Variants in VAC14 observed in about 807,000 individuals in gnomAD.
VAC14 encodes the protein protein VAC14 homolog.
Under a neutral mutation model 85.3 loss-of-function variants are expected in VAC14, and 47 were observed. The observed-to-expected ratio is 0.55, with a 90% confidence interval of 0.44 to 0.70. The LOEUF is 0.70. VAC14 is among the 30% of genes least tolerant of loss of function. VAC14 has a pLI of 0.00. For missense variants in VAC14, 861 were observed against 1,004.3 expected (o/e 0.86, Z 1.93); for synonymous variants, 447 against 430.5 (o/e 1.04, Z -0.47).
chr16:70,698,382 C>G (rs2053755933), intron 15 of VAC14, among the ~76,000 whole-genome samples: 1 of 152,160 alleles, frequency 6.6e-6, no homozygotes, highest in African/African-American at 2.4e-5. Flanking sequence ...GGCAGGGCTG[C>G]TGGGGGGTCA....
At chr16:70,776,376 T>C (rs750255231) in intron 9 of VAC14, among the ~76,000 whole-genome samples, 2 of 151,920 alleles carry the variant, frequency 1.3e-5, no homozygotes, top group Non-Finnish European at 2.9e-5. Flanking sequence ...TCCCAAAGTA[T>C]TGGGATTACA....
chr16:70,734,147 A>T (rs2054678536), intron 13 of VAC14, among the ~76,000 whole-genome samples: 1 of 152,030 alleles, frequency 6.6e-6, no homozygotes, highest in African/African-American at 2.4e-5. Flanking sequence ...GTAATGCAAG[A>T]ACAGCCTAAT....
Position 70,731,616 on chromosome 16 carries a change from A to T in VAC14, c.1540T>A (p.Leu514Ile). The T allele has an allele frequency of 6.2e-7, 1 of 1,614,066 alleles. No individual in the cohort carries two copies. The highest frequency in any genetic ancestry group is 1.1e-5 in the South Asian group (1 of 91,084). The change falls in exon 14 of 19, where the codon TTA (leucine) becomes ATA (isoleucine). Residue 514 changes from leucine to isoleucine, a missense_variant. This residue lies in a region of VAC14 where 629 missense variants were observed against 703.1 expected (regional missense o/e 0.89). Transcript: ENST00000261776. ...GLLNTSGTKG[L>I]ECSPSTPTMN... ...GTGGGAGTTGAAGGAGAACATTCTA[A>T]GCCTTTGGTACCTGTAGAGAAAGGG...
chr16:70,751,282 G>A (rs2031365098), intron 12 of VAC14, among the ~76,000 whole-genome samples: 1 of 152,242 alleles, frequency 6.6e-6, no homozygotes. Context: ...TGGCCAGGAA[G>A]AAGCTGCAAG....
At chr16:70,789,533 T>G (rs905419800) in intron 1 of VAC14, among the ~76,000 whole-genome samples, 3 of 152,210 alleles carry the variant, frequency 2.0e-5, no homozygotes, top group Non-Finnish European at 2.9e-5. Flanking sequence ...GGTAGAATTC[T>G]CGCCTGCCAC....
At chr16:70,705,667 C>G (rs1250442253) in intron 14 of VAC14, among the ~76,000 whole-genome samples, 1 of 152,116 alleles carries the variant, frequency 6.6e-6, no homozygotes, top group Non-Finnish European at 1.5e-5. Context: ...CTGCTCCCGC[C>G]CGGCATGCCC....
chr16:70,728,599 G>C (rs2054498130), intron 14 of VAC14, among the ~76,000 whole-genome samples: 1 of 152,218 alleles, frequency 6.6e-6, no homozygotes, highest in African/African-American at 2.4e-5. Flanking sequence ...TGAGCGGGTG[G>C]GGAGGGCATG....
At position 70,762,496 on chromosome 16, in the gene VAC14, G is replaced by A. The variant is rs770751792; in HGVS notation, c.1371+44C>T. 8.8e-6 allele frequency: 14 copies of A among 1,587,668 alleles called. No individual in the cohort carries two copies. The highest frequency in any genetic ancestry group is 1.2e-5 in the Non-Finnish European group (14 of 1,157,160). Reference sequence around the variant, plus strand: ...TCTCAGTCACTAACAAGGGGAGGCAGGGCAGCCGATGTTCCATAAGTACGG... The same window carrying A: ...TCTCAGTCACTAACAAGGGGAGGCAAGGCAGCCGATGTTCCATAAGTACGG... On this transcript the variant is annotated intron_variant, in intron 12 of 18. Transcript: ENST00000261776. This position sits in a 1 kb window ranked among gnomAD's most constrained non-coding sequence, Gnocchi z 4.1.
rs760285426 is a variant in VAC14, at chr16:70,698,824, C to CA, written c.1662-14dup. The CA allele has an allele frequency of 3.7e-6, 6 of 1,613,030 alleles. No homozygotes were observed. ...GAGGCACAGCTGCCTGGAGAGCAGG[C>CA]AGACTGGGGTCAGGGCGCAGGCCGA... is the stretch of plus-strand genomic sequence containing the variant. On this transcript the variant is annotated splice_polypyrimidine_tract_variant and intron_variant, in intron 14 of 18. Coordinates refer to ENST00000261776, the MANE Select transcript of VAC14 (RefSeq NM_018052.5).
intron 14 of VAC14, chr16:70,731,264 A>T: frequency 7.8e-7 from 1 of 1,289,920 alleles, no homozygotes; most frequent in South Asian, 2.5e-5. Flanking sequence ...GGAAGCAAAA[A>T]ATGAATTCAG....
chr16:70,718,703 C>T (rs2054221071), intron 14 of VAC14, among the ~76,000 whole-genome samples: 1 of 152,102 alleles, frequency 6.6e-6, no homozygotes, highest in Non-Finnish European at 1.5e-5. Flanking sequence ...TGCTGTTGCT[C>T]CCCAACTCCA....
chr16:70,737,281 C>T lies in VAC14; in HGVS notation c.1529-5654G>A, dbSNP rs958888435. 2.0e-5 allele frequency among the ~76,000 whole-genome samples: 3 copies of T among 152,196 alleles called. No individual in the cohort carries two copies. In the East Asian group the frequency reaches 5.8e-4, roughly 29 times the overall value. ...AGCCGGGACGGGGCAGCTCAGGGCA[C>T]GCCCTCCAACACTGCGCTCCGAGGA... On this transcript the variant is annotated intron_variant, in intron 13 of 18. Coordinates refer to ENST00000261776, the MANE Select transcript of VAC14 (RefSeq NM_018052.5).
intron 9 of VAC14, 96 bp from the exon 10 acceptor site, chr16:70,772,268 C>T: frequency 9.5e-7 from 1 of 1,057,586 alleles, no homozygotes; most frequent in South Asian, 1.3e-5. Context: ...CTCTCCAGAG[C>T]CCCATACCTT....
chr16:70,692,682 G>T, intron 18 of VAC14, 139 bp downstream of exon 18: 1 of 1,177,016 alleles, frequency 8.5e-7, no homozygotes, highest in Non-Finnish European at 1.2e-6. Flanking sequence ...GGGGGGGATG[G>T]TGGTCACAGT....
rs1402592187 is a variant in VAC14 at position 70,760,962 on chromosome 16, G to GGGGTGTGTGTGT, written c.1371+1577_1371+1578insACACACACACCC. On this transcript the variant is annotated intron_variant, in intron 12 of 18. Transcript: ENST00000261776. ...TGCAGGGGGTGGTGCACGAAGAGAG[G>GGGGTGTGTGTGT]GTGTGTGTGTGTGTGTGTGTGTGTG... Among the ~76,000 whole-genome samples the GGGGTGTGTGTGT allele has an allele frequency of 1.2e-3, 55 of 47,626 alleles. 4 individuals are homozygous for GGGGTGTGTGTGT. The highest frequency in any genetic ancestry group is 2.6e-3 in the Admixed American group (10 of 3,818). 31.2% of individuals were successfully genotyped at this position (47,626 alleles called of 152,430 possible).
intron 14 of VAC14, among the ~76,000 whole-genome samples, chr16:70,702,263 C>G (rs570506941): frequency 6.6e-6 from 1 of 151,536 alleles, no homozygotes; most frequent in South Asian, 2.1e-4. Flanking sequence ...CTTGCACTCT[C>G]TTGCTGGCCG....
At chr16:70,778,260 T>C (rs751427093) in intron 9 of VAC14, among the ~76,000 whole-genome samples, 13 of 152,164 alleles carry the variant, frequency 8.5e-5, no homozygotes, top group Non-Finnish European at 1.5e-4. Context: ...AGGCGAGAAT[T>C]CTACCACTGA....
rs766459658 is a variant in VAC14 at position 70,762,587 on chromosome 16, T to G, written c.1324A>C (p.Ser442Arg). 4 of 1,614,170 alleles carry G rather than the reference T, an allele frequency of 2.5e-6. No homozygotes were observed. The highest frequency in any genetic ancestry group is 2.5e-6 in the Non-Finnish European group (3 of 1,180,010). ...GTCTGCAGTAGGATGGGAAAGAGGC[T>G]GTCCGTGTGCCGGAACATCTGGAGG... ...TPRKMFRHTD[S>R]LFPILLQTLS... is the part of the protein sequence containing the mutation. Residue 442 changes from serine to arginine, a missense_variant, in exon 12 of 19, where the codon AGC becomes CGC. By Grantham distance (110) the Ser-to-Arg change is moderately radical. Coordinates refer to ENST00000261776, the MANE Select transcript of VAC14 (RefSeq NM_018052.5). The surrounding 1 kb of genome is among the most constrained non-coding windows in gnomAD (Gnocchi z 4.1).
chr16:70,784,337 G>C, intron 4 of VAC14, 117 bp from the exon 5 acceptor site: 1 of 751,712 alleles, frequency 1.3e-6, no homozygotes, highest in Non-Finnish European at 2.3e-6. Context: ...GAAAATGGCA[G>C]ATCCTGAGCT....
Sources: allele counts gnomAD v4.1 joint callset (sites outside exome capture counted in the v4.1 genomes callset), GRCh38; gene constraint gnomAD v4.1.1; regional missense constraint gnomAD v4.1.1; non-coding constraint Gnocchi (gnomAD v3.1); transcripts MANE v1.5; gene names NCBI Gene and HGNC (gene_info 2026-07-23, HGNC 2026-07-21).